ZNF280D: variants seen among roughly 807,000 people sequenced by gnomAD.
The protein encoded by ZNF280D is suppressor of hairy wing homolog 4.
In ZNF280D, 39 loss-of-function variants were observed where a neutral mutation model predicts 94.7. The ratio of observed to expected loss-of-function variants is 0.41; its 90% CI spans 0.32 to 0.54. The LOEUF is 0.54. Among genes scored for constraint, ZNF280D ranks in the 20% least tolerant of loss-of-function variants. ZNF280D has a pLI of 0.22. For synonymous variants in ZNF280D, 398 were observed against 377.6 expected, an observed-to-expected ratio of 1.05 and a Z score of -0.63; for missense variants, 1,090 against 1,149.3, an observed-to-expected ratio of 0.95 and a Z score of 0.75.
chr15:56,631,379 T>A lies in ZNF280D; in HGVS notation c.*119A>T. 9.8e-7 allele frequency: 1 copy of A among 1,021,878 alleles called. No individual in the cohort carries two copies. Among genetic ancestry groups the A allele is most frequent in the Non-Finnish European group, 1.5e-6 (1 of 688,904 alleles). The allele number at this position is 1,021,878 out of a possible 1,614,324, so 63.3% of individuals were successfully genotyped here. The stretch of plus-strand genomic sequence containing the variant: ...AGGTTGAACATACAGGTAAAGTGTA[T>A]GTGTGACCTCCCTTACATATTTCCA... On this transcript the variant is annotated 3_prime_UTR_variant, in exon 22 of 22. Coordinates refer to ENST00000267807, the MANE Select transcript of ZNF280D (RefSeq NM_017661.4).
chr15:56,675,115 A>G (rs887751875), intron 13 of ZNF280D, among the ~76,000 whole-genome samples: 2 of 151,998 alleles, frequency 1.3e-5, no homozygotes, highest in South Asian at 4.1e-4. Context: ...ACTCCAAACA[A>G]AAAAGAAAAT....
intron 16 of ZNF280D, among the ~76,000 whole-genome samples, chr15:56,662,596 G>A (rs552636025): frequency 3.9e-5 from 6 of 152,010 alleles, no homozygotes; most frequent in Admixed American, 6.6e-5. Context: ...AGGCCAAGGC[G>A]GGTGGATCAA....
intron 1 of ZNF280D, among the ~76,000 whole-genome samples, chr15:56,719,065 G>C (rs1212113625): frequency 6.6e-6 from 1 of 152,132 alleles, no homozygotes; most frequent in South Asian, 2.1e-4. Flanking sequence ...CACAGAAACT[G>C]TTCCCTAACA....
intron 3 of ZNF280D, among the ~76,000 whole-genome samples, chr15:56,704,759 T>C (rs1359699982): frequency 2.0e-5 from 3 of 151,984 alleles, no homozygotes; most frequent in African/African-American, 4.8e-5. Context: ...GACAGACAGA[T>C]TGCTTGAGGT....
intron 10 of ZNF280D, 90 bp downstream of exon 10, chr15:56,682,164 G>T: frequency 1.1e-6 from 1 of 919,110 alleles, no homozygotes; most frequent in Non-Finnish European, 1.6e-6. Context: ...CACTTACCTA[G>T]AATGGCATAG....
chr15:56,634,753 G>A (rs1311057520), intron 21 of ZNF280D, among the ~76,000 whole-genome samples: 1 of 152,004 alleles, frequency 6.6e-6, no homozygotes, highest in Non-Finnish European at 1.5e-5. Flanking sequence ...AATTTTAAAA[G>A]CCAAACCCTG....
At chr15:56,718,180 A>G (rs1284313108) in intron 1 of ZNF280D, among the ~76,000 whole-genome samples, 3 of 152,176 alleles carry the variant, frequency 2.0e-5, no homozygotes, top group African/African-American at 7.2e-5. Context: ...TAGCAATAAA[A>G]TATCTGATAA....
intron 19 of ZNF280D, among the ~76,000 whole-genome samples, chr15:56,646,420 C>G (rs1019753874): frequency 2.6e-5 from 4 of 152,026 alleles, no homozygotes; most frequent in African/African-American, 9.7e-5. Flanking sequence ...TTGAGCAAAA[C>G]AGCAAGACCC....
chr15:56,630,283 T>C lies in ZNF280D; in HGVS notation c.*1215A>G, dbSNP rs530626110. The C allele has an allele frequency of 6.6e-6, 1 of 152,244 alleles. No homozygotes were observed. Among genetic ancestry groups the C allele is most frequent in the South Asian group, 2.1e-4 (1 of 4,830 alleles). The allele number at this position is 152,244 out of a possible 1,614,324, so 9.4% of individuals were successfully genotyped here. A position where few individuals can be genotyped will look rare whatever the true frequency, so the allele number is the denominator to read the frequency against. Reference sequence around the variant, plus strand: ...ATTGAACATTCAGTGAAACAAAATTTAAGAATCCAAAGCACATTTTAAGAA... The same window carrying C: ...ATTGAACATTCAGTGAAACAAAATTCAAGAATCCAAAGCACATTTTAAGAA... On this transcript the variant is annotated 3_prime_UTR_variant, in exon 22 of 22. Transcript: ENST00000267807.
rs1395178896 is a variant in ZNF280D, at chr15:56,632,078, T to C, written c.2360A>G (p.Asn787Ser). The C allele has an allele frequency of 1.3e-6, 2 of 1,594,326 alleles. No homozygotes were observed. The highest frequency in any genetic ancestry group is 2.7e-5 in the African/African-American group (2 of 73,922). ...AASSKEKNGC[N>S]ANSFEGSSTT... ...TGATGAGCCTTCAAATGAATTTGCATTACATCCATTTTTTTCTTTTGAAGA... is the reference window on the plus strand; with the variant it reads ...TGATGAGCCTTCAAATGAATTTGCACTACATCCATTTTTTTCTTTTGAAGA... The change falls in exon 22 of 22, where the codon AAT becomes AGT. Residue 787 changes from asparagine to serine, a missense_variant. Physicochemically the swap from Asn to Ser is conservative, Grantham distance 46 (BLOSUM62 1). This residue lies in a region of ZNF280D where 577 missense variants were observed against 568.8 expected (regional missense o/e 1.01). Coordinates refer to ENST00000267807, the MANE Select transcript of ZNF280D (RefSeq NM_017661.4).
rs747496647 is a variant in ZNF280D, at chr15:56,700,926, C to A, written c.381+7G>T. 1 of 1,613,798 alleles carries A rather than the reference C, an allele frequency of 6.2e-7. No homozygotes were observed. The highest frequency in any genetic ancestry group is 8.5e-7 in the Non-Finnish European group (1 of 1,179,826). On this transcript the variant is annotated splice_region_variant and intron_variant, in intron 6 of 21. Transcript: ENST00000267807. ...TGAGCTGGCCGTATAGTTTTAGAAA[C>A]ACTTACAGGTTTAGAAAAAGGCTGA...
At position 56,682,486 on chromosome 15, in the gene ZNF280D, G is replaced by GAAAAAAAAAAAA; in HGVS notation, c.781-21_781-10dup. The GAAAAAAAAAAAA allele has an allele frequency of 2.0e-6, 1 of 504,654 alleles. No homozygotes were observed. The highest frequency in any genetic ancestry group is 4.4e-5 in the East Asian group (1 of 22,508). 31.3% of individuals were successfully genotyped at this position (504,654 alleles called of 1,614,324 possible). A position where few individuals can be genotyped will look rare whatever the true frequency, so the allele number is the denominator to read the frequency against. ...ATGTCTGGACAACAATACTGAAAGA[G>GAAAAAAAAAAAA]AAAAAAAAAAAAAAAAAACAAGCCT... On this transcript the variant is annotated splice_polypyrimidine_tract_variant and intron_variant, in intron 9 of 21. Coordinates refer to ENST00000267807, the MANE Select transcript of ZNF280D (RefSeq NM_017661.4).
At position 56,643,010 on chromosome 15, in the gene ZNF280D, A is replaced by G. The variant is rs778910817; in HGVS notation, c.2214-13T>C. 8 of 1,469,008 alleles carry G rather than the reference A, an allele frequency of 5.4e-6. No homozygotes were observed. The highest frequency in any genetic ancestry group is 7.2e-6 in the Non-Finnish European group (8 of 1,104,740). The allele number at this position is 1,469,008 out of a possible 1,614,324, so 91.0% of individuals were successfully genotyped here. On this transcript the variant is annotated splice_polypyrimidine_tract_variant and intron_variant, in intron 19 of 21. Coordinates refer to ENST00000267807, the MANE Select transcript of ZNF280D (RefSeq NM_017661.4). Reference sequence around the variant, plus strand: ...TTCTTTTTTTAATCTTGAAAACAAGATAAGTATTGAATATTTTATTTTATA... The same window carrying G: ...TTCTTTTTTTAATCTTGAAAACAAGGTAAGTATTGAATATTTTATTTTATA...
Position 56,642,963 on chromosome 15 carries a change from G to T in ZNF280D, c.2248C>A (p.Pro750Thr). The change falls in exon 20 of 22, where the codon CCT (proline) becomes ACT (threonine). Residue 750 changes from proline (P) to threonine (T), a missense_variant. By Grantham distance (38) the Pro-to-Thr change is conservative (BLOSUM62 -1). Around this residue, in one of 3 missense-constraint regions of ZNF280D, gnomAD observed 577 missense variants for 568.8 expected, o/e 1.01. Coordinates refer to ENST00000267807, the MANE Select transcript of ZNF280D (RefSeq NM_017661.4). ...KKEAPAKEQEPVSKEIARPNM... is the reference protein window; with the variant it reads ...KKEAPAKEQETVSKEIARPNM... ...AAAACAAACTTTACCTTAGACACAG[G>T]TTCTTGTTCCTTTGCGGGAGCTTCT... The T allele has an allele frequency of 6.6e-7, 1 of 1,507,822 alleles. No individual in the cohort carries two copies. Among genetic ancestry groups the T allele is most frequent in the Non-Finnish European group, 8.8e-7 (1 of 1,132,682 alleles). 93.4% of individuals were successfully genotyped at this position (1,507,822 alleles called of 1,614,324 possible).
chr15:56,671,072 TAG>T (rs2054831384), intron 13 of ZNF280D, among the ~76,000 whole-genome samples: 1 of 152,128 alleles, frequency 6.6e-6, no homozygotes, highest in Admixed American at 6.6e-5. Context: ...ATGTAGATAT[TAG>T]ACCTTTGTCA....
intron 19 of ZNF280D, among the ~76,000 whole-genome samples, chr15:56,648,293 C>G (rs765082963): frequency 6.6e-6 from 1 of 152,020 alleles, no homozygotes; most frequent in Non-Finnish European, 1.5e-5. Flanking sequence ...ATTGCCCAAA[C>G]ATCATTAGGG....
intron 6 of ZNF280D, chr15:56,699,438 T>C (rs2056930980): frequency 1.2e-6 from 1 of 813,698 alleles, no homozygotes; most frequent in Admixed American, 6.2e-5. Context: ...TATACACATG[T>C]TCATTTTTTG....
intron 16 of ZNF280D, 132 bp downstream of exon 16, chr15:56,666,263 G>C (rs921089795): frequency 3.6e-6 from 3 of 828,672 alleles, no homozygotes; most frequent in African/African-American, 1.8e-5. Context: ...TATCCTAAAA[G>C]TTCCTTATTG....
At chr15:56,712,983 G>A (rs767934471) in intron 1 of ZNF280D, among the ~76,000 whole-genome samples, 35 of 151,996 alleles carry the variant, frequency 2.3e-4, no homozygotes, top group Admixed American at 4.6e-4. Flanking sequence ...CAAGTGATCT[G>A]CCCGCCTTGG....
Sources: gnomAD v4.1 joint callset for allele counts (sites outside exome capture counted in the v4.1 genomes callset) on GRCh38, gnomAD v4.1.1 for gene constraint, gnomAD v4.1.1 regional missense constraint, MANE v1.5 for transcripts, NCBI Gene and HGNC (gene_info 2026-07-23, HGNC 2026-07-21) for gene names.